Variants in SCN1A observed in about 807,000 individuals in gnomAD.
The protein encoded by SCN1A is sodium voltage-gated channel alpha subunit 1, also known as sodium channel protein type 1 subunit alpha.
In SCN1A, 13 loss-of-function variants were observed where a neutral mutation model predicts 193.7. The observed-to-expected ratio is 0.07, with a 90% CI of 0.04 to 0.11. The LOEUF (loss-of-function observed/expected upper bound fraction) is 0.11, where lower values mean the gene tolerates loss of function less well. Among genes scored for constraint, SCN1A ranks in the 10% least tolerant of loss-of-function variants. The pLI, the probability that SCN1A is intolerant of heterozygous loss-of-function variation, is 1.00. For synonymous variants in SCN1A, 781 were observed against 843.6 expected, an observed-to-expected ratio of 0.93 and a Z score of 1.29; for missense variants, 1,432 against 2,451.1, an observed-to-expected ratio of 0.58 and a Z score of 8.78.
intron 19 of SCN1A, among the ~76,000 whole-genome samples, chr2:166,019,997 G>A (rs1005351815): frequency 1.3e-5 from 2 of 148,742 alleles, no homozygotes; most frequent in South Asian, 2.1e-4. Flanking sequence ...TGCAAGCTCC[G>A]CCTCCCAGGC....
chr2:166,066,204 A>G lies in SCN1A; in HGVS notation c.264+7154T>C, dbSNP rs558198457. ...TTCTCCAGCAGAGAGAAGAAATTAT[A>G]ACAACAAGGAAAAAGAATAAAATCT... On this transcript the variant is annotated intron_variant, in intron 4 of 28. Transcript: ENST00000674923. 2.7e-4 allele frequency among the ~76,000 whole-genome samples: 41 copies of G among 152,272 alleles called. 3 individuals carry two copies. The highest frequency in any genetic ancestry group is 9.6e-4 in the African/African-American group (40 of 41,530).
chr2:166,009,151 C>CT (rs1692063320), intron 23 of SCN1A, among the ~76,000 whole-genome samples: 1 of 150,892 alleles, frequency 6.6e-6, no homozygotes, highest in Non-Finnish European at 1.5e-5. Context: ...TGTATGTAAT[C>CT]TTTAAGTTAG....
rs566529007 is a variant in SCN1A, at chr2:166,108,297, A to G, written c.-142+18627T>C. ...GAATGACTATAATAATAATAAAAAA[A>G]ACAGATAATCACAAGTGTTGGGAAG... is the stretch of plus-strand genomic sequence containing the variant. On this transcript the variant is annotated intron_variant, in intron 2 of 28. Coordinates refer to ENST00000674923, the MANE Select transcript of SCN1A (RefSeq NM_001165963.4). 2.0e-5 allele frequency among the ~76,000 whole-genome samples: 3 copies of G among 152,228 alleles called. No homozygotes were observed. In the East Asian group the frequency reaches 5.8e-4, roughly 29 times the overall value.
chr2:166,068,839 TAAC>T (rs1415146782), intron 4 of SCN1A, among the ~76,000 whole-genome samples: 1 of 152,210 alleles, frequency 6.6e-6, no homozygotes, highest in African/African-American at 2.4e-5. Flanking sequence ...ACTCCATAAT[TAAC>T]AAACATCCAT....
chr2:166,138,000 G>T (rs1355301178), intron 1 of SCN1A, among the ~76,000 whole-genome samples: 1 of 152,208 alleles, frequency 6.6e-6, no homozygotes, highest in Non-Finnish European at 1.5e-5. Context: ...TTTTAGCAAA[G>T]AGACTGGTGG....
intron 1 of SCN1A, among the ~76,000 whole-genome samples, chr2:166,142,997 A>G (rs1392364625): frequency 6.6e-6 from 1 of 152,146 alleles, no homozygotes; most frequent in African/African-American, 2.4e-5. Flanking sequence ...GAGTCCATTA[A>G]ACCTCTTTCC....
chr2:166,062,078 C>T (rs1304802095), intron 4 of SCN1A, among the ~76,000 whole-genome samples: 4 of 152,082 alleles, frequency 2.6e-5, no homozygotes, highest in Non-Finnish European at 4.4e-5. Flanking sequence ...TTTCATAAGA[C>T]ATACTGTTGT....
At chr2:166,087,594 G>T (rs1686280826) in intron 2 of SCN1A, among the ~76,000 whole-genome samples, 1 of 152,034 alleles carries the variant, frequency 6.6e-6, no homozygotes, top group Admixed American at 6.6e-5. Flanking sequence ...GCCCTCAATA[G>T]AAGCTGATTC....
chr2:166,115,642 G>A (rs954114343), intron 2 of SCN1A, among the ~76,000 whole-genome samples: 6 of 152,090 alleles, frequency 3.9e-5, no homozygotes, highest in Non-Finnish European at 7.4e-5. Context: ...CAGTATTTGC[G>A]AAAGCATCCT....
intron 1 of SCN1A, chr2:166,149,021 C>G (rs1308741267): frequency 6.6e-6 from 1 of 152,234 alleles, no homozygotes; most frequent in African/African-American, 2.4e-5. Context: ...AGTACATAAA[C>G]TGCTGAAACA....
At chr2:166,106,736 G>A (rs1298223035) in intron 2 of SCN1A, among the ~76,000 whole-genome samples, 1 of 152,126 alleles carries the variant, frequency 6.6e-6, no homozygotes, top group Admixed American at 6.5e-5. Context: ...ACACAAGCAC[G>A]TTGCCAATGG....
In SCN1A at chr2:165,996,406, C is replaced by T. The variant is rs189309175; in HGVS notation, c.4477-289G>A. On this transcript the variant is annotated intron_variant, in intron 26 of 28. Coordinates refer to ENST00000674923, the MANE Select transcript of SCN1A (RefSeq NM_001165963.4). ...CCAAGACCTTATGCTTAGTGAGTGG[C>T]GAAATTTGGTTCACTGAGATAATAA... 68 of 258,946 alleles carry T rather than the reference C, an allele frequency of 2.6e-4. 1 individual carries two copies. In the East Asian group the frequency reaches 3.2e-3, roughly 12 times the overall value. The allele number at this position is 258,946 out of a possible 1,614,324, so 16.0% of individuals were successfully genotyped here. A position where few individuals can be genotyped will look rare whatever the true frequency, so the allele number is the denominator to read the frequency against.
In SCN1A at chr2:165,990,520, CAAAT is replaced by C. The variant is rs1402805396; in HGVS notation, c.*721_*724del. ...CTGCTAAGATTTACTGGCCTACCCA[CAAAT>C]AATCTACTTGGTCTAGGGGCTGGAT... On this transcript the variant is annotated 3_prime_UTR_variant, in exon 29 of 29. Transcript: ENST00000674923. The C allele has an allele frequency of 6.6e-6, 1 of 152,488 alleles. No homozygotes were observed. Among genetic ancestry groups the C allele is most frequent in the African/African-American group, 2.4e-5 (1 of 41,392 alleles). The allele number at this position is 152,488 out of a possible 1,614,324, so 9.4% of individuals were successfully genotyped here.
chr2:166,021,445 AAG>A (rs1694051025), intron 19 of SCN1A, among the ~76,000 whole-genome samples: 1 of 152,192 alleles, frequency 6.6e-6, no homozygotes, highest in African/African-American at 2.4e-5. Flanking sequence ...GGGGAACAAC[AAG>A]AGTTTTGATT....
rs765658898 is a variant in SCN1A, at chr2:166,045,147, A to G, written c.1558T>C (p.Phe520Leu). 1 of 1,614,014 alleles carries G rather than the reference A, an allele frequency of 6.2e-7. No homozygotes were observed. The highest frequency in any genetic ancestry group is 2.2e-5 in the East Asian group (1 of 44,880). Residue 520 changes from phenylalanine (F) to leucine (L), a missense_variant, in exon 13 of 29, where the codon TTC becomes CTC. Phe to Leu is a conservative substitution (Grantham distance 22, BLOSUM62 0). Transcript: ENST00000674923. ...SGGEEKDEDE[F>L]QKSESEDSIR... ...CTGTCCTCAGATTCAGATTTTTGGA[A>G]TTCATCCTCATCTTTCTCTTCCCCA...
intron 23 of SCN1A, chr2:166,009,498 T>C (rs1692120051): frequency 3.1e-6 from 1 of 321,554 alleles, no homozygotes; most frequent in Middle Eastern, 9.8e-4. Context: ...AATAAAGTCA[T>C]TTAAATAAGC....
chr2:166,019,628 C>T (rs577578689), intron 19 of SCN1A, among the ~76,000 whole-genome samples: 4 of 152,140 alleles, frequency 2.6e-5, no homozygotes, highest in Middle Eastern at 3.4e-3. Flanking sequence ...TTCCAAATTC[C>T]TATGAAATTT....
chr2:166,027,388 C>CT (rs1332536561), intron 19 of SCN1A, among the ~76,000 whole-genome samples: 3 of 151,972 alleles, frequency 2.0e-5, no homozygotes, highest in Non-Finnish European at 4.4e-5. Flanking sequence ...TGATTAAATG[C>CT]TTTTTTTCTT....
At chr2:166,031,909 G>T (rs145463121) in intron 19 of SCN1A, among the ~76,000 whole-genome samples, 327 of 152,186 alleles carry the variant, frequency 2.1e-3, no homozygotes, top group African/African-American at 7.6e-3. Context: ...CCAGTATCTG[G>T]CTCCAGAGTA....
Sources: allele counts gnomAD v4.1 joint callset (sites outside exome capture counted in the v4.1 genomes callset), GRCh38; gene constraint gnomAD v4.1.1; transcripts MANE v1.5; gene names NCBI Gene and HGNC (gene_info 2026-07-23, HGNC 2026-07-21).